GPR89B: variants seen among roughly 807,000 people sequenced by gnomAD.
GPR89B encodes the protein G protein-coupled receptor 89B.
Under a neutral mutation model 52.4 loss-of-function variants are expected in GPR89B, and 25 were observed. That is an observed-to-expected ratio of 0.48 (90% CI 0.35 to 0.67). The LOEUF is 0.67. Ranked by LOEUF, GPR89B falls within the 30% of genes least tolerant of loss-of-function variation. The pLI, the probability that GPR89B is intolerant of heterozygous loss-of-function variation, is 0.01. For missense variants in GPR89B, 146 were observed against 450.2 expected (o/e 0.32, Z 6.11); for synonymous variants, 52 against 151.2 (o/e 0.34, Z 4.81).
At chr1:147,969,380 G>C in intron 9 of GPR89B, 1 of 215,080 alleles carries the variant, frequency 4.6e-6, no homozygotes, top group Non-Finnish European at 9.2e-6. Flanking sequence ...ACTGTAAGAA[G>C]TAACTTTCCT....
chr1:148,011,488 C>T, the GPR89B span: 12 of 152,240 alleles, frequency 7.9e-5, no homozygotes, highest in African/African-American at 2.9e-4. Flanking sequence ...CCTTAGGCCA[C>T]ATCTCACTAT....
chr1:147,978,966 T>A (rs1184744742), intron 10 of GPR89B, among the ~76,000 whole-genome samples: 1 of 151,290 alleles, frequency 6.6e-6, no homozygotes, highest in East Asian at 2.0e-4. Flanking sequence ...GTGCTTGGGA[T>A]CCAAGGCCCT....
the GPR89B span, among the ~76,000 whole-genome samples, chr1:148,021,287 G>C: frequency 6.6e-6 from 1 of 151,550 alleles, no homozygotes; most frequent in Non-Finnish European, 1.5e-5. Context: ...CGGAGCACGA[G>C]GTCAGGAGAT....
At chr1:148,020,799 T>A in the GPR89B span, among the ~76,000 whole-genome samples, 10 of 152,050 alleles carry the variant, frequency 6.6e-5, no homozygotes, top group African/African-American at 2.4e-4. Context: ...GAGATTCTCA[T>A]GCCTCAGCCT....
chr1:148,017,104 C>T, the GPR89B span, among the ~76,000 whole-genome samples: 12,558 of 151,610 alleles, frequency 0.083, 687 homozygotes, highest in South Asian at 0.15. Flanking sequence ...TGCAGTGGCG[C>T]GATATTGGCT....
intron 7 of GPR89B, among the ~76,000 whole-genome samples, chr1:147,960,147 TCA>T (rs1491380010): frequency 6.6e-6 from 1 of 151,848 alleles, no homozygotes; most frequent in Non-Finnish European, 1.5e-5. Flanking sequence ...ATGACAGATT[TCA>T]CAGTTTAAGT....
the GPR89B span, among the ~76,000 whole-genome samples, chr1:148,003,360 C>A: frequency 2.0e-5 from 3 of 151,944 alleles, no homozygotes; most frequent in South Asian, 4.2e-4. Flanking sequence ...TCAGGTCCAG[C>A]GGTGTGCTAT....
At chr1:147,963,834 C>G (rs1656822473) in intron 7 of GPR89B, among the ~76,000 whole-genome samples, 1 of 152,218 alleles carries the variant, frequency 6.6e-6, no homozygotes, top group East Asian at 1.9e-4. Context: ...CAATTGCACT[C>G]CTGGGCATTT....
intron 12 of GPR89B, among the ~76,000 whole-genome samples, chr1:147,990,824 C>G (rs1659011737): frequency 1.3e-5 from 2 of 151,164 alleles, no homozygotes; most frequent in South Asian, 4.2e-4. Flanking sequence ...GTTTTGGTAC[C>G]AGTACCATGC....
chr1:147,970,242 T>TCCCA (rs1657314934), intron 10 of GPR89B, among the ~76,000 whole-genome samples: 2 of 151,954 alleles, frequency 1.3e-5, no homozygotes, highest in Non-Finnish European at 2.9e-5. Flanking sequence ...ATGCCTATAA[T>TCCCA]CCCAGCACTT....
At chr1:147,933,527 G>T (rs1384572998) in intron 1 of GPR89B, among the ~76,000 whole-genome samples, 4 of 151,934 alleles carry the variant, frequency 2.6e-5, no homozygotes, top group Admixed American at 6.6e-5. Flanking sequence ...CATCTTGCTG[G>T]CTGTCCCTCA....
intron 1 of GPR89B, among the ~76,000 whole-genome samples, chr1:147,933,765 T>C (rs868973096): frequency 2.0e-5 from 3 of 152,066 alleles, no homozygotes; most frequent in African/African-American, 7.2e-5. Flanking sequence ...CAGGGCTTTA[T>C]CATCTTTCAT....
chr1:147,950,299 C>CGGCGGGGT lies in GPR89B; in HGVS notation c.416-3039_416-3038insTGGCGGGG, dbSNP rs1655534682. The stretch of plus-strand genomic sequence containing the variant: ...GGTGCTCCTCACATCCCAGACGGGG[C>CGGCGGGGT]GGCGGGGCAGAGGCGCTCCCCACAT... On this transcript the variant is annotated intron_variant, in intron 5 of 13. Transcript: ENST00000314163. 2.7e-5 allele frequency among the ~76,000 whole-genome samples: 4 copies of CGGCGGGGT among 147,774 alleles called. 1 individual carries two copies. The South Asian group carries it at 8.7e-4, about 32-fold the overall frequency.
the GPR89B span, among the ~76,000 whole-genome samples, chr1:148,014,008 T>C: frequency 6.6e-6 from 1 of 151,148 alleles, no homozygotes; most frequent in Non-Finnish European, 1.5e-5. Context: ...CTCCATCTTG[T>C]CTCCAAAGAC....
downstream of GPR89B, chr1:147,995,674 A>G: frequency 6.2e-7 from 1 of 1,609,592 alleles, no homozygotes; most frequent in South Asian, 1.1e-5. Flanking sequence ...TGTCAAGTGG[A>G]TCAGCCAGGG....
intron 1 of GPR89B, among the ~76,000 whole-genome samples, chr1:147,931,050 T>TA (rs1653555758): frequency 6.6e-6 from 1 of 151,900 alleles, no homozygotes; most frequent in African/African-American, 2.4e-5. Context: ...GTTTTGTAAT[T>TA]ACTTGTTTAT....
At chr1:147,949,801 A>AC (rs1446038139) in intron 5 of GPR89B, among the ~76,000 whole-genome samples, 120 of 134,704 alleles carry the variant, frequency 8.9e-4, no homozygotes, top group African/African-American at 2.9e-3. Flanking sequence ...CAGGGGGCTG[A>AC]CCCCCCGACC....
Position 147,989,624 on chromosome 1 carries a change from T to C in GPR89B, c.1095+1103T>C, listed in dbSNP as rs1658913024. ...AAGCCTCGGTGTGTGATGTTCCCCT[T>C]CCTGTGTCCAAGTGTTCTCATTGTT... On this transcript the variant is annotated intron_variant, in intron 12 of 13. Transcript: ENST00000314163. 1.3e-5 allele frequency among the ~76,000 whole-genome samples: 2 copies of C among 152,184 alleles called. 1 individual carries two copies. Among genetic ancestry groups the C allele is most frequent in the Non-Finnish European group, 2.9e-5 (2 of 68,012 alleles).
the GPR89B span, among the ~76,000 whole-genome samples, chr1:148,005,759 C>G: frequency 6.6e-6 from 1 of 151,968 alleles, no homozygotes; most frequent in African/African-American, 2.4e-5. Context: ...GCACATATAC[C>G]CTTTCCCTAT....
Sources: gnomAD v4.1 joint callset for allele counts (sites outside exome capture counted in the v4.1 genomes callset) on GRCh38, gnomAD v4.1.1 for gene constraint, MANE v1.5 for transcripts, NCBI Gene and HGNC (gene_info 2026-07-23, HGNC 2026-07-21) for gene names.